Variants in LINS1 observed in about 807,000 individuals in gnomAD.
The protein encoded by LINS1 is lines homolog 1, also known as protein Lines homolog 1.
Under a neutral mutation model 41.6 loss-of-function variants are expected in LINS1, and 27 were observed. The ratio of observed to expected loss-of-function variants is 0.65; its 90% CI spans 0.48 to 0.89. LINS1 has a LOEUF of 0.89. Ranked by LOEUF, LINS1 falls within the 40% of genes least tolerant of loss-of-function variation. The pLI, the probability that LINS1 is intolerant of heterozygous loss-of-function variation, is 0.00. For synonymous variants in LINS1, 336 were observed against 312.9 expected, an observed-to-expected ratio of 1.07 and a Z score of -0.78; for missense variants, 955 against 884.1, an observed-to-expected ratio of 1.08 and a Z score of -1.02.
intron 1 of LINS1, among the ~76,000 whole-genome samples, chr15:100,592,155 C>T (rs994361579): frequency 6.6e-6 from 1 of 152,182 alleles, no homozygotes; most frequent in Non-Finnish European, 1.5e-5. Flanking sequence ...AATTCTGTAA[C>T]GGGGCTCTTG....
Position 100,580,475 on chromosome 15 carries a change from A to G in LINS1, c.368T>C (p.Leu123Pro), listed in dbSNP as rs1027023940. 1 of 1,614,050 alleles carries G rather than the reference A, an allele frequency of 6.2e-7. No individual in the cohort carries two copies. Among genetic ancestry groups the G allele is most frequent in the Non-Finnish European group, 8.5e-7 (1 of 1,179,922 alleles). ...AGAATCGACTTTGGCTGATTCTAAG[A>G]GAATTTTAATTACATCTCTGTACTG... ...KEQYRDVIKI[L>P]LESAKVDSKL... is the part of the protein sequence containing the mutation. Residue 123 changes from leucine (L) to proline (P), a missense_variant, in exon 2 of 7, where the codon CTC becomes CCC. Coordinates refer to ENST00000314742, the MANE Select transcript of LINS1 (RefSeq NM_001040616.3).
At chr15:100,581,764 C>G (rs1447448403) in intron 1 of LINS1, among the ~76,000 whole-genome samples, 1 of 152,186 alleles carries the variant, frequency 6.6e-6, no homozygotes, top group Non-Finnish European at 1.5e-5. Context: ...GTCCACAGAT[C>G]TGTGAAGAAC....
At chr15:100,571,331 A>G (rs574706584) in intron 6 of LINS1, among the ~76,000 whole-genome samples, 2 of 152,384 alleles carry the variant, frequency 1.3e-5, no homozygotes, top group African/African-American at 4.8e-5. Context: ...TTCATAACCA[A>G]TTATAGATAT....
At chr15:100,600,886 A>T (rs966435399) in intron 1 of LINS1, among the ~76,000 whole-genome samples, 1 of 152,134 alleles carries the variant, frequency 6.6e-6, no homozygotes, top group Non-Finnish European at 1.5e-5. Context: ...TTTCCTTAGG[A>T]TACAGTCCAA....
At chr15:100,582,992 T>C (rs950815318) in intron 1 of LINS1, among the ~76,000 whole-genome samples, 10 of 151,562 alleles carry the variant, frequency 6.6e-5, no homozygotes, top group African/African-American at 9.7e-5. Context: ...TACGGCCCAC[T>C]AGCCTAGTCT....
chr15:100,569,454 T>C lies in LINS1; in HGVS notation c.2058A>G (p.Glu686=). The C allele has an allele frequency of 6.2e-7, 1 of 1,614,202 alleles. No homozygotes were observed. The highest frequency in any genetic ancestry group is 8.5e-7 in the Non-Finnish European group (1 of 1,180,034). Residue 686 remains glutamate, a synonymous_variant, in exon 7 of 7, where the codon GAA becomes GAG. Coordinates refer to ENST00000314742, the MANE Select transcript of LINS1 (RefSeq NM_001040616.3). ...AATCAAAGGAGAAGGCAGTATCAAATTCTTTCAGAACCAGAGGCCTTGATG... is the reference window on the plus strand; with the variant it reads ...AATCAAAGGAGAAGGCAGTATCAAACTCTTTCAGAACCAGAGGCCTTGATG... The part of the protein sequence containing the change: ...EPPSRPLVLK[E]FDTAFSFDCE...
chr15:100,588,510 A>C (rs917431194), intron 1 of LINS1, among the ~76,000 whole-genome samples: 5 of 152,274 alleles, frequency 3.3e-5, no homozygotes, highest in African/African-American at 7.2e-5. Context: ...AAATAAAGAC[A>C]GTTTTTAAAG....
chr15:100,576,072 G>A (rs1374967022), intron 3 of LINS1, among the ~76,000 whole-genome samples: 3 of 152,052 alleles, frequency 2.0e-5, no homozygotes, highest in Admixed American at 6.6e-5. Flanking sequence ...AGAGAAAGCA[G>A]GAAAGATCTA....
chr15:100,572,708 T>C (rs1243366947), intron 5 of LINS1: 41 of 986,128 alleles, frequency 4.2e-5, no homozygotes, highest in Non-Finnish European at 4.8e-5. Context: ...TTTCACTGAA[T>C]CTGTATGCTG....
intron 1 of LINS1, among the ~76,000 whole-genome samples, chr15:100,582,744 A>G (rs1277463704): frequency 3.7e-5 from 5 of 135,608 alleles, no homozygotes; most frequent in African/African-American, 1.4e-4. Flanking sequence ...TGGGTCTTCC[A>G]TCTACAACAT....
At chr15:100,600,095 A>AC (rs2039414869) in intron 1 of LINS1, among the ~76,000 whole-genome samples, 1 of 152,204 alleles carries the variant, frequency 6.6e-6, no homozygotes, top group Non-Finnish European at 1.5e-5. Context: ...ATTTGAACAA[A>AC]TTTAAAGATG....
At chr15:100,570,681 G>A (rs1411113185) in intron 6 of LINS1, 1 of 152,532 alleles carries the variant, frequency 6.6e-6, no homozygotes, top group Non-Finnish European at 1.5e-5. Context: ...GAGAAAAATT[G>A]AGAAGTGATT....
rs2038504792 is a variant in LINS1, at chr15:100,580,809, A to G, written c.34T>C (p.Tyr12His). Reference protein sequence around the residue: ...KVFCEVLEELYKKVLLGATLE... With the variant: ...KVFCEVLEELHKKVLLGATLE... ...GTGGCTCCAAGAAGTACCTTCTTGTATAACTCTTCTAAAACTTCACAGAAA... is the reference window on the plus strand; with the variant it reads ...GTGGCTCCAAGAAGTACCTTCTTGTGTAACTCTTCTAAAACTTCACAGAAA... The change falls in exon 2 of 7, where the codon TAC (tyrosine) becomes CAC (histidine). Residue 12 changes from tyrosine (Y) to histidine (H), a missense_variant. Transcript: ENST00000314742. 1.2e-6 allele frequency: 2 copies of G among 1,612,720 alleles called. No homozygotes were observed. Among genetic ancestry groups the G allele is most frequent in the South Asian group, 1.1e-5 (1 of 90,842 alleles).
intron 5 of LINS1, chr15:100,573,362 A>G (rs2037952644): frequency 1.6e-6 from 2 of 1,241,718 alleles, no homozygotes; most frequent in African/African-American, 3.1e-5. Flanking sequence ...AAATACTTGA[A>G]TATGAATTGA....
At chr15:100,575,548 G>A (rs180946392) in intron 3 of LINS1, among the ~76,000 whole-genome samples, 2,298 of 152,178 alleles carry the variant, frequency 0.015, 65 homozygotes, top group African/African-American at 0.053. Flanking sequence ...CCTACAAAGA[G>A]ACTTAGACTC....
At chr15:100,597,772 G>A (rs1026167232) in intron 1 of LINS1, among the ~76,000 whole-genome samples, 2 of 152,178 alleles carry the variant, frequency 1.3e-5, no homozygotes, top group African/African-American at 2.4e-5. Context: ...GCAGGGTAGC[G>A]TTGAGGAACT....
chr15:100,578,198 T>C (rs905773569), intron 3 of LINS1, among the ~76,000 whole-genome samples: 5 of 151,990 alleles, frequency 3.3e-5, no homozygotes, highest in Non-Finnish European at 7.4e-5. Context: ...CTAAAGAGCT[T>C]CTGCACAGCA....
rs1332966478 is a variant in LINS1, at chr15:100,569,776, GCAGT to G, written c.1732_1735del (p.Thr578LeufsTer23). On this transcript the variant is annotated frameshift_variant, in exon 7 of 7. Transcript: ENST00000314742. LOFTEE classifies it low-confidence loss of function (END_TRUNC). ...ACACACATCTCTGTGACTATGAGGAGCAGTCAAACGATGGGGTATTGTTTGGTTG... is the reference window on the plus strand; with the variant it reads ...ACACACATCTCTGTGACTATGAGGAGCAAACGATGGGGTATTGTTTGGTTG... The G allele has an allele frequency of 6.2e-7, 1 of 1,614,000 alleles. No individual in the cohort carries two copies. The highest frequency in any genetic ancestry group is 8.5e-7 in the Non-Finnish European group (1 of 1,179,950).
intron 1 of LINS1, among the ~76,000 whole-genome samples, chr15:100,596,139 G>C (rs1025422040): frequency 6.6e-6 from 1 of 152,226 alleles, no homozygotes; most frequent in Non-Finnish European, 1.5e-5. Flanking sequence ...GGAACTGCCA[G>C]CTCTCTTTAC....
Sources: allele counts gnomAD v4.1 joint callset (sites outside exome capture counted in the v4.1 genomes callset), GRCh38; gene constraint gnomAD v4.1.1; transcripts MANE v1.5; gene names NCBI Gene and HGNC (gene_info 2026-07-23, HGNC 2026-07-21).